Variants in RANBP2 observed in about 807,000 individuals in gnomAD.
RANBP2 encodes RAN binding protein 2, also known as E3 SUMO-protein ligase RanBP2.
A neutral mutation model predicts 303.6 loss-of-function variants in RANBP2; 57 were observed. The ratio of observed to expected loss-of-function variants is 0.19; its 90% confidence interval spans 0.15 to 0.23. The LOEUF (loss-of-function observed/expected upper bound fraction) is 0.23, where lower values mean the gene tolerates loss of function less well. RANBP2 is among the 10% of genes least tolerant of loss of function. The probability of loss-of-function intolerance (pLI) is 1.00; values close to 1 mark genes in which losing one functional copy is unlikely to be tolerated. For synonymous variants in RANBP2, 1,167 were observed against 1,301.5 expected (o/e 0.90, Z 2.23); for missense variants, 3,138 against 3,780.8 (o/e 0.83, Z 4.46).
chr2:109,063,810 A>C, the RANBP2 span, among the ~76,000 whole-genome samples: 1 of 152,166 alleles, frequency 6.6e-6, no homozygotes, highest in Non-Finnish European at 1.5e-5. Context: ...GAAAAAAAAA[A>C]AACAAAAAAA....
At chr2:109,292,983 C>G in the RANBP2 span, among the ~76,000 whole-genome samples, 7 of 152,214 alleles carry the variant, frequency 4.6e-5, no homozygotes, top group Admixed American at 3.9e-4. Context: ...CCACCCATCT[C>G]AGCCTCCCAA....
At chr2:109,318,549 C>T in the RANBP2 span, among the ~76,000 whole-genome samples, 1 of 152,184 alleles carries the variant, frequency 6.6e-6, no homozygotes, top group Non-Finnish European at 1.5e-5. Flanking sequence ...TGTGGTTTGT[C>T]CTTGCGGGTG....
chr2:108,990,574 C>T, the RANBP2 span, among the ~76,000 whole-genome samples: 1 of 151,868 alleles, frequency 6.6e-6, no homozygotes, highest in Non-Finnish European at 1.5e-5. Context: ...CCAGCCTGGG[C>T]AACAGAGCGA....
rs1694624295 is a variant in RANBP2, at chr2:108,725,444, CT to C, written c.73-3686del. Among the ~76,000 whole-genome samples, 5 of 152,110 alleles carry C rather than the reference CT, an allele frequency of 3.3e-5. No homozygotes were observed. In the South Asian group the frequency reaches 1.0e-3, roughly 32 times the overall value. On this transcript the variant is annotated intron_variant, in intron 1 of 28. Coordinates refer to ENST00000283195, the MANE Select transcript of RANBP2 (RefSeq NM_006267.5). ...TTTCTATTATGTTTTGGCATTGTACCTTGAATCTATTTCTTCATTTTGAAAA... is the reference window on the plus strand; with the variant it reads ...TTTCTATTATGTTTTGGCATTGTACCTGAATCTATTTCTTCATTTTGAAAA...
At chr2:109,495,258 A>G in the RANBP2 span, among the ~76,000 whole-genome samples, 1 of 152,208 alleles carries the variant, frequency 6.6e-6, no homozygotes, top group Non-Finnish European at 1.5e-5. Context: ...GCATCAGGTT[A>G]GAACCGTCTA....
At chr2:109,226,644 A>G in the RANBP2 span, among the ~76,000 whole-genome samples, 2 of 152,210 alleles carry the variant, frequency 1.3e-5, no homozygotes, top group East Asian at 3.9e-4. Context: ...TTGGTCTGCC[A>G]TCTTGACTTC....
the RANBP2 span, among the ~76,000 whole-genome samples, chr2:109,007,500 C>T: frequency 6.6e-6 from 1 of 152,208 alleles, no homozygotes; most frequent in African/African-American, 2.4e-5. Flanking sequence ...TTTACTGCCA[C>T]CTCTAATTTA....
At chr2:109,265,796 C>A in the RANBP2 span, among the ~76,000 whole-genome samples, 1 of 152,074 alleles carries the variant, frequency 6.6e-6, no homozygotes, top group Non-Finnish European at 1.5e-5. Context: ...TTTTAATATG[C>A]AGGGTTGCAA....
chr2:109,535,041 C>T, the RANBP2 span, among the ~76,000 whole-genome samples: 2 of 152,158 alleles, frequency 1.3e-5, no homozygotes, highest in African/African-American at 4.8e-5. Flanking sequence ...GACACTTCAC[C>T]TCCAGGTGCA....
the RANBP2 span, among the ~76,000 whole-genome samples, chr2:109,468,855 GAAAAAAA>G: frequency 2.3e-4 from 15 of 64,862 alleles, no homozygotes; most frequent in African/African-American, 6.0e-4. Context: ...CTCTGTCTCA[GAAAAAAA>G]AAAAAAAAAA....
chr2:109,202,316 A>G, the RANBP2 span, among the ~76,000 whole-genome samples: 2 of 152,140 alleles, frequency 1.3e-5, no homozygotes, highest in South Asian at 2.1e-4. Context: ...GGAGCGATGG[A>G]TAATGAAACT....
intron 1 of RANBP2, among the ~76,000 whole-genome samples, chr2:108,724,574 C>G (rs1211425523): frequency 1.3e-5 from 2 of 151,880 alleles, no homozygotes; most frequent in Non-Finnish European, 1.5e-5. Context: ...AGTGTCCTTT[C>G]AATTGGGAAA....
chr2:108,965,285 G>A, the RANBP2 span, among the ~76,000 whole-genome samples: 2 of 152,050 alleles, frequency 1.3e-5, no homozygotes, highest in Non-Finnish European at 2.9e-5. Flanking sequence ...AGACCATCCT[G>A]GCTAACATGG....
At chr2:109,199,203 C>A in the RANBP2 span, among the ~76,000 whole-genome samples, 1 of 151,844 alleles carries the variant, frequency 6.6e-6, no homozygotes, top group African/African-American at 2.4e-5. Context: ...ACGAAAAATA[C>A]AAAAAATTAG....
At chr2:108,808,626 T>C in the RANBP2 span, among the ~76,000 whole-genome samples, 1 of 152,220 alleles carries the variant, frequency 6.6e-6, no homozygotes, top group South Asian at 2.1e-4. Context: ...TTGAGCATTT[T>C]TTCATATACC....
chr2:109,547,782 T>TA, the RANBP2 span, among the ~76,000 whole-genome samples: 3 of 152,216 alleles, frequency 2.0e-5, no homozygotes, highest in African/African-American at 4.8e-5. Context: ...CTAACGTTTT[T>TA]ACCATGATGG....
downstream of RANBP2, among the ~76,000 whole-genome samples, chr2:108,786,026 A>G (rs1168548080): frequency 6.6e-6 from 1 of 151,602 alleles, no homozygotes; most frequent in Non-Finnish European, 1.5e-5. Flanking sequence ...GTGGTTGTAC[A>G]GTTCCCCTCA....
At chr2:109,268,607 A>G in the RANBP2 span, among the ~76,000 whole-genome samples, 8 of 152,172 alleles carry the variant, frequency 5.3e-5, no homozygotes, top group African/African-American at 1.7e-4. Flanking sequence ...CCACTGAACA[A>G]TTTTTAACTT....
the RANBP2 span, among the ~76,000 whole-genome samples, chr2:108,989,687 C>T: frequency 6.6e-6 from 1 of 152,232 alleles, no homozygotes; most frequent in East Asian, 1.9e-4. Context: ...AGTGTATACC[C>T]ATGTAACTTC....
Sources: allele counts gnomAD v4.1 joint callset (sites outside exome capture counted in the v4.1 genomes callset), GRCh38; gene constraint gnomAD v4.1.1; transcripts MANE v1.5; gene names NCBI Gene and HGNC (gene_info 2026-07-23, HGNC 2026-07-21).